VRTN: variants seen among roughly 807,000 people sequenced by gnomAD.
VRTN encodes vertnin.
VRTN carries 5 observed loss-of-function variants against 18.2 expected under a neutral mutation model. The observed-to-expected ratio is 0.27, with a 90% confidence interval of 0.14 to 0.58. VRTN has a LOEUF of 0.58. Ranked by LOEUF, VRTN falls within the 20% of genes least tolerant of loss-of-function variation. The probability of loss-of-function intolerance (pLI) is 0.91; values close to 1 mark genes in which losing one functional copy is unlikely to be tolerated. For missense variants in VRTN, 741 were observed against 939.4 expected (o/e 0.79, Z 2.76); for synonymous variants, 381 against 393.7 (o/e 0.97, Z 0.38).
intron 2 of VRTN, among the ~76,000 whole-genome samples, chr14:74,339,038 C>CT (rs61338897): frequency 0.035 from 5,257 of 150,762 alleles, 287 homozygotes; most frequent in African/African-American, 0.12. Context: ...TTTTTCTTTT[C>CT]TTTTTTTTTG....
rs761032690 is a variant in VRTN at position 74,357,684 on chromosome 14, C to T, written c.901C>T (p.Arg301Trp). The T allele has an allele frequency of 3.2e-5, 52 of 1,613,426 alleles. No homozygotes were observed. Among genetic ancestry groups the T allele is most frequent in the Non-Finnish European group, 3.9e-5 (46 of 1,179,932 alleles). Residue 301 changes from arginine to tryptophan, a missense_variant, in exon 2 of 2, where the codon CGG becomes TGG. Around this residue, in one of 3 missense-constraint regions of VRTN, gnomAD observed 494 missense variants for 546.5 expected, o/e 0.90. Transcript: ENST00000256362. The surrounding 1 kb of genome is among the most constrained non-coding windows in gnomAD (Gnocchi z 7.8). ...VTKSTFYRWRRQSQEHRQKVA... is the reference protein window; with the variant it reads ...VTKSTFYRWRWQSQEHRQKVA... ...CAAAAGCACCTTCTACCGCTGGCGG[C>T]GGCAGTCCCAGGAGCACCGGCAGAA...
intron 1 of VRTN, chr14:74,337,659 C>T (rs1190008986): frequency 6.6e-6 from 1 of 152,224 alleles, no homozygotes; most frequent in Non-Finnish European, 1.5e-5. Context: ...TAGTGGGTAC[C>T]TGTGCCTGTT....
intron 1 of VRTN, among the ~76,000 whole-genome samples, chr14:74,309,316 C>T (rs2085373939): frequency 6.6e-6 from 1 of 152,122 alleles, no homozygotes; most frequent in Admixed American, 6.6e-5. Context: ...TACTGTGTCC[C>T]CATTTTCCAG....
chr14:74,357,591 A>T lies in VRTN; in HGVS notation c.808A>T (p.Thr270Ser), dbSNP rs763101128. 1 of 1,613,836 alleles carries T rather than the reference A, an allele frequency of 6.2e-7. No homozygotes were observed. The highest frequency in any genetic ancestry group is 8.5e-7 in the Non-Finnish European group (1 of 1,179,972). The part of the protein sequence containing the change: ...ALAPLSSPAK[T>S]LELLNREPGL... ...GGCCCCACTCTCATCGCCGGCCAAG[A>T]CCCTGGAGCTGCTCAACCGTGAACC... Residue 270 changes from threonine to serine, a missense_variant, in exon 2 of 2, where the codon ACC becomes TCC. This residue lies in a region of VRTN where 494 missense variants were observed against 546.5 expected (regional missense o/e 0.90). Coordinates refer to ENST00000256362, the MANE Select transcript of VRTN (RefSeq NM_018228.3). This position sits in a 1 kb window ranked among gnomAD's most constrained non-coding sequence, Gnocchi z 7.8.
At chr14:74,331,490 T>C (rs1458399078) in intron 1 of VRTN, among the ~76,000 whole-genome samples, 2 of 137,668 alleles carry the variant, frequency 1.5e-5, no homozygotes, top group Admixed American at 7.7e-5. Context: ...GATTGCACCA[T>C]TGCACTCCAG....
intron 1 of VRTN, among the ~76,000 whole-genome samples, chr14:74,311,560 C>G (rs1241764450): frequency 6.6e-6 from 1 of 151,992 alleles, no homozygotes; most frequent in Non-Finnish European, 1.5e-5. Flanking sequence ...CAGGCATGCT[C>G]CACCACACCT....
chr14:74,311,417 ATTT>A (rs397966191), intron 1 of VRTN, among the ~76,000 whole-genome samples: 1 of 139,332 alleles, frequency 7.2e-6, no homozygotes. Context: ...TGCAGCTTGC[ATTT>A]TTTTTTTTTT....
chr14:74,334,074 C>T (rs1317105895), intron 1 of VRTN, among the ~76,000 whole-genome samples: 3 of 152,146 alleles, frequency 2.0e-5, no homozygotes, highest in African/African-American at 7.2e-5. Context: ...GTAAGTGGCT[C>T]ACCCAGGCAA....
At chr14:74,324,748 C>T (rs1021172682) in intron 1 of VRTN, among the ~76,000 whole-genome samples, 17 of 24,186 alleles carry the variant, frequency 7.0e-4, no homozygotes, top group Admixed American at 3.4e-3. Context: ...ATTAGCCGAG[C>T]GTGGTGGCGC....
At chr14:74,314,315 T>C (rs1256717632) in intron 1 of VRTN, among the ~76,000 whole-genome samples, 1 of 151,496 alleles carries the variant, frequency 6.6e-6, no homozygotes, top group Admixed American at 6.6e-5. Context: ...ATCAGATTTA[T>C]CTAATCAAAA....
chr14:74,310,434 A>G (rs142538582), intron 1 of VRTN, among the ~76,000 whole-genome samples: 103 of 150,174 alleles, frequency 6.9e-4, no homozygotes, highest in African/African-American at 2.5e-3. Context: ...TAGCATTGCC[A>G]TAGTGATTCA....
chr14:74,351,929 C>T (rs1275237948), intron 1 of VRTN, among the ~76,000 whole-genome samples: 1 of 151,472 alleles, frequency 6.6e-6, no homozygotes, highest in Admixed American at 6.6e-5. Flanking sequence ...CTGCAACCTC[C>T]GTCTCTTGGG....
intron 1 of VRTN, among the ~76,000 whole-genome samples, chr14:74,308,169 C>T (rs1334495556): frequency 6.6e-6 from 1 of 152,060 alleles, no homozygotes; most frequent in African/African-American, 2.4e-5. Flanking sequence ...GGTCTCAGAA[C>T]TTTGGGAGGC....
chr14:74,351,103 T>G (rs886573811), intron 1 of VRTN, among the ~76,000 whole-genome samples: 1 of 152,234 alleles, frequency 6.6e-6, no homozygotes, highest in African/African-American at 2.4e-5. Flanking sequence ...AGTTGTAAAA[T>G]AGCATTCAAC....
chr14:74,331,157 G>A (rs1017292159), intron 1 of VRTN, among the ~76,000 whole-genome samples: 8 of 151,284 alleles, frequency 5.3e-5, no homozygotes, highest in African/African-American at 1.2e-4. Context: ...AGCCGAGATC[G>A]CGCCACTGCA....
rs371184815 is a variant in VRTN at position 74,357,871 on chromosome 14, T to G, written c.1088T>G (p.Leu363Trp). 6 of 1,613,862 alleles carry G rather than the reference T, an allele frequency of 3.7e-6. No homozygotes were observed. Among genetic ancestry groups the G allele is most frequent in the Non-Finnish European group, 5.1e-6 (6 of 1,180,034 alleles). The change falls in exon 2 of 2, where the codon TTG (leucine) becomes TGG (tryptophan). Residue 363 changes from leucine (L) to tryptophan (W), a missense_variant. Physicochemically the swap from Leu to Trp is moderately conservative, Grantham distance 61 (BLOSUM62 -2). Coordinates refer to ENST00000256362, the MANE Select transcript of VRTN (RefSeq NM_018228.3). The surrounding 1 kb of genome is among the most constrained non-coding windows in gnomAD (Gnocchi z 7.8). ...CTGGGCTCTGGCACCTGCCCGGCCT[T>G]GCCCCCCAGGGAGGTGCTGGGCATG... ...ELLGSGTCPA[L>W]PPREVLGMEE... is the part of the protein sequence containing the mutation.
At chr14:74,338,760 T>A (rs2085581749) in intron 2 of VRTN, among the ~76,000 whole-genome samples, 1 of 152,112 alleles carries the variant, frequency 6.6e-6, no homozygotes, top group Non-Finnish European at 1.5e-5. Flanking sequence ...AGTCTCACTC[T>A]GTTGCCCAGG....
In VRTN at chr14:74,305,153, A is replaced by G. The variant is rs138767261; in HGVS notation, c.-164+1977A>G. Among the ~76,000 whole-genome samples the G allele has an allele frequency of 8.1e-3, 1,239 of 152,130 alleles. 10 individuals carry two copies. The highest frequency in any genetic ancestry group is 0.028 in the African/African-American group (1,176 of 41,522). ...TCAAGACCAGCCTGGCCAACATGAC[A>G]AAATCCCGTCTTTACTAAAAGTACA... On this transcript the variant is annotated intron_variant, in intron 1 of 2. Coordinates refer to the VRTN transcript ENST00000557177.
Position 74,358,967 on chromosome 14 carries a change from C to A in VRTN, c.*75C>A. 6.6e-7 allele frequency: 1 copy of A among 1,508,486 alleles called. No homozygotes were observed. Among genetic ancestry groups the A allele is most frequent in the Non-Finnish European group, 8.9e-7 (1 of 1,128,246 alleles). 93.4% of individuals were successfully genotyped at this position (1,508,486 alleles called of 1,614,324 possible). On this transcript the variant is annotated 3_prime_UTR_variant, in exon 2 of 2. Transcript: ENST00000256362. The surrounding 1 kb of genome is among the most constrained non-coding windows in gnomAD (Gnocchi z 5.4). ...GTCAGGGACCTGAGCTGACCCCAGG[C>A]TTGGCCAGGATGTCCTTTGCTCTGG... is the stretch of plus-strand genomic sequence containing the variant.
Sources: gnomAD v4.1 joint callset for allele counts (sites outside exome capture counted in the v4.1 genomes callset) on GRCh38, gnomAD v4.1.1 for gene constraint, gnomAD v4.1.1 regional missense constraint, Gnocchi (gnomAD v3.1) non-coding constraint, MANE v1.5 for transcripts, NCBI Gene and HGNC (gene_info 2026-07-23, HGNC 2026-07-21) for gene names.